Variants in GRM4 observed in about 807,000 individuals in gnomAD.
GRM4 encodes the protein metabotropic glutamate receptor 4.
A neutral mutation model predicts 81.7 loss-of-function variants in GRM4; 28 were observed. That is an observed-to-expected ratio of 0.34 (90% confidence interval 0.25 to 0.47). The LOEUF (loss-of-function observed/expected upper bound fraction) is 0.47. GRM4 is among the 20% of genes least tolerant of loss of function. The probability of loss-of-function intolerance (pLI) is 1.00; values close to 1 mark genes in which losing one functional copy is unlikely to be tolerated. For missense variants in GRM4, 948 were observed against 1,290.0 expected (o/e 0.73, Z 4.06); for synonymous variants, 488 against 528.8 (o/e 0.92, Z 1.06).
rs954144540 is a variant in GRM4, at chr6:34,115,830, A to G, written c.519+17148T>C. On this transcript the variant is annotated intron_variant, in intron 2 of 10. Transcript: ENST00000538487. This position sits in a 1 kb window ranked among gnomAD's most constrained non-coding sequence, Gnocchi z 4.1. ...ACCTCCCTGGGCTCCATTTGTTATC[A>G]CTCAGAGAATGCAAATGACAGTGGC... 8.5e-5 allele frequency among the ~76,000 whole-genome samples: 13 copies of G among 152,126 alleles called. No individual in the cohort carries two copies.
chr6:34,040,328 C>T lies in GRM4; in HGVS notation c.1370-14G>A, dbSNP rs760088388. ...TCCCTGCGATGCCTGTAAGGGTGGG[C>T]GGGTGTCTTTGCAGAGCCTTTACCC... On this transcript the variant is annotated splice_polypyrimidine_tract_variant and intron_variant, in intron 7 of 10. Coordinates refer to ENST00000538487, the MANE Select transcript of GRM4 (RefSeq NM_000841.4). 8 of 1,612,964 alleles carry T rather than the reference C, an allele frequency of 5.0e-6. No individual in the cohort carries two copies. The highest frequency in any genetic ancestry group is 2.7e-5 in the African/African-American group (2 of 74,916).
chr6:34,127,146 G>C (rs1770054400), intron 2 of GRM4, among the ~76,000 whole-genome samples: 1 of 152,158 alleles, frequency 6.6e-6, no homozygotes, highest in African/African-American at 2.4e-5. Context: ...TGGGCTAGAG[G>C]GGAACTCAAT....
chr6:34,098,747 G>A (rs1224488857), intron 2 of GRM4, among the ~76,000 whole-genome samples: 4 of 152,248 alleles, frequency 2.6e-5, no homozygotes, highest in Non-Finnish European at 5.9e-5. Context: ...ACAGGAATGT[G>A]TGGTTCAGAG....
chr6:34,025,464 CA>C (rs1764086339), intron 10 of GRM4, among the ~76,000 whole-genome samples: 1 of 152,142 alleles, frequency 6.6e-6, no homozygotes, highest in African/African-American at 2.4e-5. Context: ...TGAGGGGCAC[CA>C]GGGGCAGCTG....
chr6:34,092,629 C>A lies in GRM4; in HGVS notation c.520-530G>T, dbSNP rs1027142047. Among the ~76,000 whole-genome samples, 27 of 152,116 alleles carry A rather than the reference C, an allele frequency of 1.8e-4. No homozygotes were observed. Among genetic ancestry groups the A allele is most frequent in the Non-Finnish European group, 3.1e-4 (21 of 68,002 alleles). ...CCTCGATTCCAGCTCCCCTGTCCCCCACTCCAACCCCAAGGATGGAAGCCC... is the reference window on the plus strand; with the variant it reads ...CCTCGATTCCAGCTCCCCTGTCCCCAACTCCAACCCCAAGGATGGAAGCCC... On this transcript the variant is annotated intron_variant, in intron 2 of 10. Transcript: ENST00000538487. This position sits in a 1 kb window ranked among gnomAD's most constrained non-coding sequence, Gnocchi z 6.8.
intron 6 of GRM4, among the ~76,000 whole-genome samples, chr6:34,051,595 G>T (rs1486893693): frequency 6.6e-6 from 1 of 152,156 alleles, no homozygotes; most frequent in African/African-American, 2.4e-5. Flanking sequence ...CCTTGTTTAC[G>T]ACTTTAATTC....
At chr6:34,094,731 C>T (rs2127488666) in intron 2 of GRM4, among the ~76,000 whole-genome samples, 1 of 152,290 alleles carries the variant, frequency 6.6e-6, no homozygotes, top group East Asian at 1.9e-4. Context: ...CCTCCACGCC[C>T]CTCCTGATCA....
In GRM4 at chr6:34,070,651, G is replaced by GCCAGGAC. The variant is rs552668990; in HGVS notation, c.737-8630_737-8624dup. Among the ~76,000 whole-genome samples the GCCAGGAC allele has an allele frequency of 9.9e-3, 1,500 of 151,920 alleles. 13 individuals carry two copies. Among genetic ancestry groups the GCCAGGAC allele is most frequent in the South Asian group, 0.017 (82 of 4,816 alleles). Reference sequence around the variant, plus strand: ...GACAGGGGCCTCATCACTTAGCCAGGCCAGGACCCAGGACCCAGGGCTGGG... The same window carrying GCCAGGAC: ...GACAGGGGCCTCATCACTTAGCCAGGCCAGGACCCAGGACCCAGGACCCAGGGCTGGG... On this transcript the variant is annotated intron_variant, in intron 3 of 10. Transcript: ENST00000538487. This position sits in a 1 kb window ranked among gnomAD's most constrained non-coding sequence, Gnocchi z 4.6.
intron 6 of GRM4, among the ~76,000 whole-genome samples, chr6:34,044,882 A>C (rs1176812109): frequency 6.6e-6 from 1 of 150,480 alleles, no homozygotes; most frequent in Non-Finnish European, 1.5e-5. Flanking sequence ...ACACATATAT[A>C]CAGACATACA....
At chr6:34,031,970 CACACACACACAA>C (rs1266475796) in intron 9 of GRM4, among the ~76,000 whole-genome samples, 1 of 151,786 alleles carries the variant, frequency 6.6e-6, no homozygotes, top group East Asian at 1.9e-4. Context: ...CTCTCTCTCT[CACACACACACAA>C]ACACACACAC....
chr6:34,063,866 G>T (rs1424128731), intron 3 of GRM4, among the ~76,000 whole-genome samples: 1 of 152,242 alleles, frequency 6.6e-6, no homozygotes, highest in Non-Finnish European at 1.5e-5. Context: ...AGAGGAAGAG[G>T]CTGGACTGGG....
At chr6:34,120,298 C>T (rs1263297247) in intron 2 of GRM4, among the ~76,000 whole-genome samples, 1 of 152,048 alleles carries the variant, frequency 6.6e-6, no homozygotes, top group African/African-American at 2.4e-5. Context: ...CCTGGGGCTC[C>T]CTGGCCCAGG....
chr6:34,091,649 T>A (rs957290056), intron 3 of GRM4: 2 of 572,226 alleles, frequency 3.5e-6, no homozygotes, highest in African/African-American at 3.8e-5. Context: ...AGTCCCCTCA[T>A]CTGCACACCC....
In GRM4 at chr6:34,057,971, G is replaced by A. The variant is rs527595977; in HGVS notation, c.1027+1003C>T. Among the ~76,000 whole-genome samples, 649 of 152,334 alleles carry A rather than the reference G, an allele frequency of 4.3e-3. 4 individuals are homozygous for A. Among genetic ancestry groups the A allele is most frequent in the Non-Finnish European group, 7.5e-3 (511 of 68,028 alleles). On this transcript the variant is annotated intron_variant, in intron 5 of 10. Transcript: ENST00000538487. The stretch of plus-strand genomic sequence containing the variant: ...CGCTATGTGTGTGTGGTGGGTGGGT[G>A]GAGGCGTGTTGAATGTGTGATGGGG...
chr6:34,101,980 T>G (rs1465887702), intron 2 of GRM4: 3 of 1,529,602 alleles, frequency 2.0e-6, no homozygotes, highest in African/African-American at 2.7e-5. Flanking sequence ...CTGCCACCTG[T>G]GCCCTAGTGG....
Position 34,126,572 on chromosome 6 carries a change from C to T in GRM4, c.519+6406G>A, listed in dbSNP as rs187165218. ...GAGAAGGTGTTTTGAGGGGAAGAAA[C>T]ATATCCAGGTGACCCTGGATACCAC... On this transcript the variant is annotated intron_variant, in intron 2 of 10. Transcript: ENST00000538487. 1.8e-4 allele frequency among the ~76,000 whole-genome samples: 28 copies of T among 152,312 alleles called. No homozygotes were observed. The East Asian group carries it at 5.4e-3, about 29-fold the overall frequency.
At position 34,059,214 on chromosome 6, in the gene GRM4, T is replaced by C; in HGVS notation, c.873-86A>G. On this transcript the variant is annotated intron_variant, in intron 4 of 10. Coordinates refer to ENST00000538487, the MANE Select transcript of GRM4 (RefSeq NM_000841.4). The surrounding 1 kb of genome is among the most constrained non-coding windows in gnomAD (Gnocchi z 5.7). ...TGGCCACACTTGCTTTGGGCCCACGTCCCTCACCCCCAGAAGCCCAGGGTC... is the reference window on the plus strand; with the variant it reads ...TGGCCACACTTGCTTTGGGCCCACGCCCCTCACCCCCAGAAGCCCAGGGTC... 1 of 1,248,684 alleles carries C rather than the reference T, an allele frequency of 8.0e-7. No homozygotes were observed. The highest frequency in any genetic ancestry group is 1.1e-6 in the Non-Finnish European group (1 of 873,120). 77.4% of individuals were successfully genotyped at this position (1,248,684 alleles called of 1,614,324 possible).
Position 34,114,389 on chromosome 6 carries a change from T to C in GRM4, c.519+18589A>G, listed in dbSNP as rs1312194668. Among the ~76,000 whole-genome samples the C allele has an allele frequency of 6.6e-6, 1 of 152,110 alleles. No homozygotes were observed. Among genetic ancestry groups the C allele is most frequent in the Non-Finnish European group, 1.5e-5 (1 of 68,020 alleles). On this transcript the variant is annotated intron_variant, in intron 2 of 10. Coordinates refer to ENST00000538487, the MANE Select transcript of GRM4 (RefSeq NM_000841.4). This position sits in a 1 kb window ranked among gnomAD's most constrained non-coding sequence, Gnocchi z 4.3. ...CATAAGGCCATCATCCGGGCCACCA[T>C]CACCTCCAGGCTGAATTGTTCTATC...
At position 34,022,904 on chromosome 6, in the gene GRM4, CAG is replaced by C. The variant is rs1562003118; in HGVS notation, c.2690-36_2690-35del. On this transcript the variant is annotated intron_variant, in intron 10 of 10. Transcript: ENST00000538487. This position sits in a 1 kb window ranked among gnomAD's most constrained non-coding sequence, Gnocchi z 5.6. The stretch of plus-strand genomic sequence containing the variant: ...AGAGAGACCAGGGGTACCCAGGAGT[CAG>C]GGGCTGCTTTTCTCAAACTGTCCTT... 4 of 1,580,828 alleles carry C rather than the reference CAG, an allele frequency of 2.5e-6. No individual in the cohort carries two copies. The highest frequency in any genetic ancestry group is 2.6e-6 in the Non-Finnish European group (3 of 1,149,716).
Sources: gnomAD v4.1 joint callset for allele counts (sites outside exome capture counted in the v4.1 genomes callset) on GRCh38, gnomAD v4.1.1 for gene constraint, Gnocchi (gnomAD v3.1) non-coding constraint, MANE v1.5 for transcripts, NCBI Gene and HGNC (gene_info 2026-07-23, HGNC 2026-07-21) for gene names.